Variants in SAMD5 observed in about 807,000 individuals in gnomAD.
SAMD5 encodes the protein sterile alpha motif domain containing 5.
SAMD5 carries 13 observed loss-of-function variants against 11.3 expected under a neutral mutation model. That is an observed-to-expected ratio of 1.15 (90% CI 0.75 to 1.83). The LOEUF (loss-of-function observed/expected upper bound fraction) is 1.83, where lower values mean the gene tolerates loss of function less well. Among genes scored for constraint, SAMD5 ranks in the 40% most tolerant of loss-of-function variants. SAMD5 has a pLI of 0.00. For synonymous variants in SAMD5, 129 were observed against 111.3 expected (o/e 1.16, Z -1.00); for missense variants, 255 against 239.1 (o/e 1.07, Z -0.44).
intron 1 of SAMD5, among the ~76,000 whole-genome samples, chr6:147,709,020 AATAATC>A (rs1414840180): frequency 6.6e-6 from 1 of 152,238 alleles, no homozygotes; most frequent in African/African-American, 2.4e-5. Context: ...CTCCTCTCTG[AATAATC>A]AGCGGTGGCT....
chr6:147,617,330 T>A (rs535905881), intron 1 of SAMD5, among the ~76,000 whole-genome samples: 89 of 152,344 alleles, frequency 5.8e-4, no homozygotes, highest in African/African-American at 2.1e-3. Context: ...GGTGGTTGTG[T>A]GTTCAGCCCT....
chr6:147,601,567 C>G (rs1481338020), intron 1 of SAMD5, among the ~76,000 whole-genome samples: 1 of 152,068 alleles, frequency 6.6e-6, no homozygotes, highest in African/African-American at 2.4e-5. Context: ...TTTGATCAGA[C>G]CTTCCCAACG....
chr6:147,946,512 T>C, the SAMD5 span, among the ~76,000 whole-genome samples: 1 of 152,242 alleles, frequency 6.6e-6, no homozygotes, highest in African/African-American at 2.4e-5. Context: ...CAGCTGTGTT[T>C]CATGTTCTAT....
At position 147,566,048 on chromosome 6, in the gene SAMD5, A is replaced by G; in HGVS notation, c.*1592A>G. The G allele has an allele frequency of 9.1e-6, 9 of 985,086 alleles. No homozygotes were observed. Among genetic ancestry groups the G allele is most frequent in the Non-Finnish European group, 1.1e-5 (9 of 829,590 alleles). 61.0% of individuals were successfully genotyped at this position (985,086 alleles called of 1,614,324 possible). On this transcript the variant is annotated 3_prime_UTR_variant, in exon 2 of 2. Coordinates refer to ENST00000367474, the MANE Select transcript of SAMD5 (RefSeq NM_001030060.3). Reference sequence around the variant, plus strand: ...GGTCCATTTTGGTTCCTAAGAATAGATAGGCCATTAAGAAGGATATTAGGT... The same window carrying G: ...GGTCCATTTTGGTTCCTAAGAATAGGTAGGCCATTAAGAAGGATATTAGGT...
chr6:147,666,745 C>T (rs914256866), intron 1 of SAMD5, among the ~76,000 whole-genome samples: 1 of 152,136 alleles, frequency 6.6e-6, no homozygotes, highest in Admixed American at 6.5e-5. Context: ...TATTATGTGG[C>T]CCCCATAGAC....
chr6:147,794,293 G>C, the SAMD5 span, among the ~76,000 whole-genome samples: 1 of 152,204 alleles, frequency 6.6e-6, no homozygotes, highest in Admixed American at 6.6e-5. Flanking sequence ...AATATGTTTA[G>C]AGCTTCAAAA....
the SAMD5 span, among the ~76,000 whole-genome samples, chr6:147,954,597 T>G: frequency 6.6e-6 from 1 of 151,590 alleles, no homozygotes; most frequent in Non-Finnish European, 1.5e-5. Flanking sequence ...TCCTGCTAGC[T>G]CCATTCGTGG....
chr6:147,723,633 T>G (rs1239942833), intron 1 of SAMD5, among the ~76,000 whole-genome samples: 1 of 152,118 alleles, frequency 6.6e-6, no homozygotes, highest in Non-Finnish European at 1.5e-5. Flanking sequence ...TGTCTGGGGC[T>G]CCTGATTTTT....
chr6:147,630,980 C>T (rs1273356815), intron 1 of SAMD5, among the ~76,000 whole-genome samples: 3 of 152,136 alleles, frequency 2.0e-5, no homozygotes, highest in African/African-American at 4.8e-5. Context: ...GTCTGATCAC[C>T]GCGGGGACAC....
intron 1 of SAMD5, among the ~76,000 whole-genome samples, chr6:147,644,502 A>G (rs1204566902): frequency 6.6e-6 from 1 of 152,240 alleles, no homozygotes; most frequent in African/African-American, 2.4e-5. Flanking sequence ...TGTAAAGCTA[A>G]TACTTTTGCA....
chr6:147,658,384 T>C (rs1296183783), intron 1 of SAMD5, among the ~76,000 whole-genome samples: 2 of 152,182 alleles, frequency 1.3e-5, no homozygotes, highest in Non-Finnish European at 2.9e-5. Flanking sequence ...TTTTTGCCCT[T>C]TGAATCTTTT....
intron 1 of SAMD5, among the ~76,000 whole-genome samples, chr6:147,586,717 A>G (rs1449062182): frequency 1.3e-5 from 2 of 151,754 alleles, no homozygotes; most frequent in Non-Finnish European, 2.9e-5. Context: ...AGATAAATAA[A>G]TGACACATGG....
Position 147,567,186 on chromosome 6 carries a change from C to G in SAMD5, c.*2730C>G. 2.0e-6 allele frequency: 2 copies of G among 985,186 alleles called. No individual in the cohort carries two copies. Among genetic ancestry groups the G allele is most frequent in the Non-Finnish European group, 2.4e-6 (2 of 829,778 alleles). The allele number at this position is 985,186 out of a possible 1,614,324, so 61.0% of individuals were successfully genotyped here. On this transcript the variant is annotated 3_prime_UTR_variant, in exon 2 of 2. Coordinates refer to ENST00000367474, the MANE Select transcript of SAMD5 (RefSeq NM_001030060.3). ...AAAAGATTTCTTGGCATAGGGAAGG[C>G]GTAATGTTAAGGGCTTCTTCCTTAC...
intron 1 of SAMD5, among the ~76,000 whole-genome samples, chr6:147,526,766 A>G (rs895572797): frequency 6.6e-6 from 1 of 152,244 alleles, no homozygotes; most frequent in Non-Finnish European, 1.5e-5. Context: ...GAGTGACAAA[A>G]GTGCGAGGTT....
chr6:147,621,865 T>C (rs1380356511), intron 1 of SAMD5, among the ~76,000 whole-genome samples: 1 of 131,696 alleles, frequency 7.6e-6, no homozygotes, highest in East Asian at 2.1e-4. Context: ...TGGAGAGCCA[T>C]GTGTCTTCAG....
At chr6:147,824,128 A>G in the SAMD5 span, among the ~76,000 whole-genome samples, 5 of 152,234 alleles carry the variant, frequency 3.3e-5, no homozygotes, top group Admixed American at 1.3e-4. Flanking sequence ...ACACTTGGGT[A>G]CTTGGAAGTC....
intron 1 of SAMD5, among the ~76,000 whole-genome samples, chr6:147,578,926 G>A (rs920563332): frequency 5.9e-5 from 9 of 152,232 alleles, no homozygotes; most frequent in African/African-American, 2.2e-4. Context: ...TACATTGCCT[G>A]CCTCAGGATA....
the SAMD5 span, among the ~76,000 whole-genome samples, chr6:147,879,611 T>C: frequency 1.3e-5 from 2 of 152,232 alleles, no homozygotes; most frequent in Non-Finnish European, 2.9e-5. Context: ...GATGTTCATT[T>C]GTACTAAGAG....
At chr6:147,601,128 C>A (rs1350597318) in intron 1 of SAMD5, among the ~76,000 whole-genome samples, 1 of 152,146 alleles carries the variant, frequency 6.6e-6, no homozygotes, top group African/African-American at 2.4e-5. Context: ...CAGACAGATG[C>A]GACCAAGTTT....
Sources: allele counts gnomAD v4.1 joint callset (sites outside exome capture counted in the v4.1 genomes callset), GRCh38; gene constraint gnomAD v4.1.1; transcripts MANE v1.5; gene names NCBI Gene and HGNC (gene_info 2026-07-23, HGNC 2026-07-21).